The following ZNF407 variants were observed in gnomAD, a reference collection of about 807,000 sequenced individuals.
ZNF407 encodes the protein zinc finger protein 407.
In ZNF407, 17 loss-of-function variants were observed where a neutral mutation model predicts 131.2. That is an observed-to-expected ratio of 0.13 (90% CI 0.09 to 0.19). The LOEUF (loss-of-function observed/expected upper bound fraction) is 0.19. Among genes scored for constraint, ZNF407 ranks in the 10% least tolerant of loss-of-function variants. The pLI, the probability that ZNF407 is intolerant of heterozygous loss-of-function variation, is 1.00. For missense variants in ZNF407, 2,681 were observed against 2,830.6 expected, an observed-to-expected ratio of 0.95 and a Z score of 1.20; for synonymous variants, 1,156 against 1,062.0, an observed-to-expected ratio of 1.09 and a Z score of -1.72.
At chr18:74,891,760 T>G (rs1049257062) in intron 7 of ZNF407, among the ~76,000 whole-genome samples, 2 of 152,198 alleles carry the variant, frequency 1.3e-5, no homozygotes, top group African/African-American at 4.8e-5. Context: ...TTGGAGTTCT[T>G]GTAAAACACA....
intron 6 of ZNF407, among the ~76,000 whole-genome samples, chr18:74,882,381 T>G (rs1971250931): frequency 6.6e-6 from 1 of 152,180 alleles, no homozygotes; most frequent in Non-Finnish European, 1.5e-5. Context: ...CTACTTCTCT[T>G]AGGTCTCATG....
chr18:74,994,173 C>T (rs1972751374), intron 8 of ZNF407, among the ~76,000 whole-genome samples: 1 of 151,946 alleles, frequency 6.6e-6, no homozygotes, highest in African/African-American at 2.4e-5. Context: ...GGTCCTTGTT[C>T]ATAGGAAGCT....
chr18:74,776,133 A>G lies in ZNF407; in HGVS notation c.4803-5295A>G, dbSNP rs533038799. 3.9e-5 allele frequency among the ~76,000 whole-genome samples: 6 copies of G among 152,312 alleles called. No homozygotes were observed. The South Asian group carries it at 1.2e-3, about 32-fold the overall frequency. On this transcript the variant is annotated intron_variant, in intron 3 of 8. Coordinates refer to ENST00000299687, the MANE Select transcript of ZNF407 (RefSeq NM_017757.3). ...TTGGGAGCTGATTTTGGGAGGGCAG[A>G]GCCTTCAGGAATGGGATTAGTGTCC...
intron 4 of ZNF407, among the ~76,000 whole-genome samples, chr18:74,818,641 T>C (rs1970299027): frequency 6.6e-6 from 1 of 152,182 alleles, no homozygotes; most frequent in African/African-American, 2.4e-5. Context: ...TCTTACACTT[T>C]TTTAAAAACA....
intron 2 of ZNF407, among the ~76,000 whole-genome samples, chr18:74,639,798 C>T (rs1006691461): frequency 6.6e-6 from 1 of 151,146 alleles, no homozygotes. Flanking sequence ...TTTTTGTCAG[C>T]TTTTGGGAAT....
At chr18:75,049,821 T>C (rs1973479116) in intron 8 of ZNF407, among the ~76,000 whole-genome samples, 1 of 152,246 alleles carries the variant, frequency 6.6e-6, no homozygotes, top group African/African-American at 2.4e-5. Flanking sequence ...TCAATGTTTC[T>C]GTTAAAACTT....
intron 7 of ZNF407, among the ~76,000 whole-genome samples, chr18:74,908,072 A>T (rs1222181719): frequency 2.0e-5 from 3 of 152,306 alleles, no homozygotes; most frequent in African/African-American, 7.2e-5. Flanking sequence ...CTTTTAAAAA[A>T]ATTAATCAAT....
chr18:74,976,404 C>T (rs955685277), intron 8 of ZNF407, among the ~76,000 whole-genome samples: 5 of 152,104 alleles, frequency 3.3e-5, no homozygotes, highest in African/African-American at 7.2e-5. Context: ...TGCTGCAAGG[C>T]GAGGGTTTCT....
At chr18:75,060,452 G>A (rs1973613816) in intron 8 of ZNF407, among the ~76,000 whole-genome samples, 1 of 151,762 alleles carries the variant, frequency 6.6e-6, no homozygotes, top group South Asian at 2.1e-4. Flanking sequence ...GTATCTCCTG[G>A]TAGTGGAGCT....
At chr18:74,666,229 A>C (rs2144741444) in intron 3 of ZNF407, among the ~76,000 whole-genome samples, 1 of 152,294 alleles carries the variant, frequency 6.6e-6, no homozygotes, top group East Asian at 1.9e-4. Context: ...CTTGCAGATT[A>C]GGTAGGAGCA....
At chr18:74,981,607 A>G (rs117048921) in intron 8 of ZNF407, among the ~76,000 whole-genome samples, 2,732 of 152,254 alleles carry the variant, frequency 0.018, 48 homozygotes, top group Non-Finnish European at 0.024. Flanking sequence ...CTATGAGGCT[A>G]GAGGGGTCCC....
At chr18:74,797,599 C>T (rs549907439) in intron 4 of ZNF407, among the ~76,000 whole-genome samples, 9 of 152,202 alleles carry the variant, frequency 5.9e-5, no homozygotes, top group African/African-American at 1.2e-4. Flanking sequence ...CATATCAACA[C>T]GTTCATAAAG....
chr18:74,759,778 T>C (rs1166326607), intron 3 of ZNF407, among the ~76,000 whole-genome samples: 2 of 151,724 alleles, frequency 1.3e-5, no homozygotes, highest in Non-Finnish European at 2.9e-5. Flanking sequence ...GTATTTCTTA[T>C]TTCCTGTAGT....
At chr18:74,645,476 C>T (rs138652688) in intron 3 of ZNF407, among the ~76,000 whole-genome samples, 11 of 152,096 alleles carry the variant, frequency 7.2e-5, no homozygotes, top group Non-Finnish European at 7.4e-5. Context: ...ATGAATTTAC[C>T]TAATCAGGAG....
At chr18:74,875,315 C>T (rs1323030630) in intron 4 of ZNF407, among the ~76,000 whole-genome samples, 4 of 152,116 alleles carry the variant, frequency 2.6e-5, no homozygotes, top group African/African-American at 4.8e-5. Flanking sequence ...CATTTCACGA[C>T]AGGCACAAGC....
At chr18:74,799,019 A>C (rs939599631) in intron 4 of ZNF407, among the ~76,000 whole-genome samples, 1 of 152,158 alleles carries the variant, frequency 6.6e-6, no homozygotes, top group East Asian at 1.9e-4. Context: ...ACATCAAATC[A>C]TAATGATAAT....
At chr18:74,862,707 A>G (rs1970953817) in intron 4 of ZNF407, among the ~76,000 whole-genome samples, 1 of 152,208 alleles carries the variant, frequency 6.6e-6, no homozygotes, top group South Asian at 2.1e-4. Context: ...TTAGAATCAT[A>G]CATCCTAAAA....
intron 8 of ZNF407, among the ~76,000 whole-genome samples, chr18:75,043,382 G>A (rs1973396126): frequency 1.3e-5 from 2 of 152,216 alleles, no homozygotes. Context: ...CACAGGTCAT[G>A]TGCATGCCCA....
chr18:74,868,394 T>C (rs992818365), intron 4 of ZNF407, among the ~76,000 whole-genome samples: 1 of 152,176 alleles, frequency 6.6e-6, no homozygotes, highest in Non-Finnish European at 1.5e-5. Flanking sequence ...TAAGGCTGCA[T>C]TTAGCTCCTT....
Sources: allele counts gnomAD v4.1 joint callset (sites outside exome capture counted in the v4.1 genomes callset), GRCh38; gene constraint gnomAD v4.1.1; transcripts MANE v1.5; gene names NCBI Gene and HGNC (gene_info 2026-07-23, HGNC 2026-07-21).